The following NFIA variants were observed in gnomAD, a reference collection of about 807,000 sequenced individuals.
NFIA encodes the protein nuclear factor I A.
In NFIA, 8 loss-of-function variants were observed where a neutral mutation model predicts 62.8. The observed-to-expected ratio is 0.13, with a 90% CI of 0.07 to 0.23. The LOEUF (loss-of-function observed/expected upper bound fraction) is 0.23, where lower values mean the gene tolerates loss of function less well. Among genes scored for constraint, NFIA ranks in the 10% least tolerant of loss-of-function variants. The probability of loss-of-function intolerance (pLI) is 1.00; values close to 1 mark genes in which losing one functional copy is unlikely to be tolerated. For synonymous variants in NFIA, 235 were observed against 238.1 expected (o/e 0.99, Z 0.12); for missense variants, 410 against 642.1 (o/e 0.64, Z 3.91).
At chr1:61,286,578 A>C (rs1327442142) in intron 3 of NFIA, among the ~76,000 whole-genome samples, 2 of 152,192 alleles carry the variant, frequency 1.3e-5, no homozygotes, top group African/African-American at 4.8e-5. Context: ...TCATTCATTC[A>C]ACAGGTATTT....
At chr1:61,223,192 T>G (rs1654123429) in intron 2 of NFIA, among the ~76,000 whole-genome samples, 1 of 152,064 alleles carries the variant, frequency 6.6e-6, no homozygotes, top group Non-Finnish European at 1.5e-5. Flanking sequence ...ATTTCACTAT[T>G]TAAAGAACAT....
intron 2 of NFIA, among the ~76,000 whole-genome samples, chr1:61,221,562 C>T (rs924017396): frequency 3.9e-5 from 6 of 151,910 alleles, no homozygotes; most frequent in African/African-American, 1.2e-4. Flanking sequence ...AGTAGAAATC[C>T]AAATCGTTGA....
chr1:61,404,264 A>G lies in NFIA; in HGVS notation c.1236A>G (p.Gly412=), dbSNP rs1389338143. 4 of 1,612,632 alleles carry G rather than the reference A, an allele frequency of 2.5e-6. No homozygotes were observed. The highest frequency in any genetic ancestry group is 3.4e-6 in the Non-Finnish European group (4 of 1,179,558). ...GCCCTGATGCTGGTCAGCAGGCTGG[A>G]CAGGTGGGGTTCCTCAATGTAAGGA... ...LVCPDAGQQA[G]QVGFLNPNGS... The change falls in exon 8 of 11, where the codon GGA becomes GGG. Residue 412 remains glycine (G), a synonymous_variant. Transcript: ENST00000403491.
chr1:61,208,328 A>G (rs1321440319), intron 2 of NFIA, among the ~76,000 whole-genome samples: 1 of 152,198 alleles, frequency 6.6e-6, no homozygotes, highest in Non-Finnish European at 1.5e-5. Context: ...TTGGAAAAGT[A>G]TGGTCCATGC....
chr1:61,290,469 A>G (rs1339245184), intron 3 of NFIA, among the ~76,000 whole-genome samples: 1 of 152,226 alleles, frequency 6.6e-6, no homozygotes, highest in Non-Finnish European at 1.5e-5. Flanking sequence ...AAAGTTCATT[A>G]GGATATCTGA....
chr1:61,341,594 C>T (rs1001199743), intron 4 of NFIA, among the ~76,000 whole-genome samples: 10 of 152,148 alleles, frequency 6.6e-5, no homozygotes, highest in African/African-American at 2.2e-4. Context: ...CCTCCCACCT[C>T]AGCCTTCCCA....
intron 2 of NFIA, among the ~76,000 whole-genome samples, chr1:61,262,218 A>G (rs558764161): frequency 2.3e-4 from 35 of 151,874 alleles, no homozygotes; most frequent in Non-Finnish European, 4.0e-4. Flanking sequence ...TTTATGTGAA[A>G]ATTTGTATTT....
rs192889418 is a variant in NFIA, at chr1:61,397,789, A to G, written c.1076-6315A>G. 2.6e-5 allele frequency among the ~76,000 whole-genome samples: 4 copies of G among 152,312 alleles called. No homozygotes were observed. The East Asian group carries it at 7.7e-4, about 29-fold the overall frequency. On this transcript the variant is annotated intron_variant, in intron 7 of 10. Transcript: ENST00000403491. Reference sequence around the variant, plus strand: ...ACTCCAAAGCCCTGGTCCTTATATTATACTGCACTGCTTTTCTGAGTCGTA... The same window carrying G: ...ACTCCAAAGCCCTGGTCCTTATATTGTACTGCACTGCTTTTCTGAGTCGTA...
chr1:61,161,050 G>A (rs1049814216), intron 2 of NFIA, among the ~76,000 whole-genome samples: 10 of 152,078 alleles, frequency 6.6e-5, no homozygotes, highest in East Asian at 1.9e-4. Flanking sequence ...GAGTAGCAGC[G>A]ATTACAGGCA....
At chr1:61,257,428 C>T (rs528843156) in intron 2 of NFIA, among the ~76,000 whole-genome samples, 1 of 149,184 alleles carries the variant, frequency 6.7e-6, no homozygotes, top group East Asian at 2.0e-4. Flanking sequence ...ACCTCTGCCT[C>T]CCGGATTCAA....
chr1:61,194,576 A>G (rs906301355), intron 2 of NFIA, among the ~76,000 whole-genome samples: 3 of 152,128 alleles, frequency 2.0e-5, no homozygotes, highest in African/African-American at 7.2e-5. Flanking sequence ...TTTTCACAAA[A>G]CCCCTGTAAG....
chr1:61,085,380 A>G (rs1339199679), intron 1 of NFIA, among the ~76,000 whole-genome samples: 1 of 152,154 alleles, frequency 6.6e-6, no homozygotes, highest in African/African-American at 2.4e-5. Context: ...CAAACAGATC[A>G]ATGTTTAAGA....
intron 3 of NFIA, among the ~76,000 whole-genome samples, chr1:61,318,305 A>G (rs968151037): frequency 3.3e-5 from 5 of 152,212 alleles, no homozygotes; most frequent in Admixed American, 3.3e-4. Context: ...AGCAATGGTA[A>G]TAAGTCGCTG....
Position 61,114,592 on chromosome 1 carries a change from C to T in NFIA, c.559+25912C>T, listed in dbSNP as rs573667913. ...TTTAAAAGTTGGCTTTAAGGGAGCA[C>T]GTTTCTCTTTGAGGGTGGCCTGTTT... On this transcript the variant is annotated intron_variant, in intron 2 of 10. Transcript: ENST00000403491. 9.7e-4 allele frequency among the ~76,000 whole-genome samples: 148 copies of T among 152,190 alleles called. 1 individual carries two copies. Among genetic ancestry groups the T allele is most frequent in the African/African-American group, 2.0e-3 (82 of 41,534 alleles).
At chr1:61,236,742 T>A (rs1452059921) in intron 2 of NFIA, among the ~76,000 whole-genome samples, 1 of 152,160 alleles carries the variant, frequency 6.6e-6, no homozygotes, top group African/African-American at 2.4e-5. Context: ...TATTAACGTG[T>A]GAAGGACATA....
intron 2 of NFIA, among the ~76,000 whole-genome samples, chr1:61,208,278 T>C (rs896758707): frequency 6.6e-5 from 10 of 152,202 alleles, no homozygotes; most frequent in African/African-American, 1.7e-4. Flanking sequence ...TGCCCAGTTT[T>C]ATCATTTTTT....
intron 2 of NFIA, among the ~76,000 whole-genome samples, chr1:61,190,894 C>A (rs1343505843): frequency 2.0e-5 from 3 of 152,134 alleles, no homozygotes; most frequent in Non-Finnish European, 4.4e-5. Context: ...ACTCTTCTGG[C>A]AGTTTTTAAA....
intron 6 of NFIA, among the ~76,000 whole-genome samples, chr1:61,370,143 A>T (rs912357122): frequency 6.6e-6 from 1 of 152,216 alleles, no homozygotes; most frequent in African/African-American, 2.4e-5. Context: ...GCAGTTTCTC[A>T]TGAGGCTGTG....
chr1:61,172,183 G>C (rs1650009590), intron 2 of NFIA, among the ~76,000 whole-genome samples: 1 of 152,112 alleles, frequency 6.6e-6, no homozygotes, highest in Non-Finnish European at 1.5e-5. Context: ...GTGAATTTCT[G>C]CTTCCTAAAG....
Sources: allele counts gnomAD v4.1 joint callset (sites outside exome capture counted in the v4.1 genomes callset), GRCh38; gene constraint gnomAD v4.1.1; transcripts MANE v1.5; gene names NCBI Gene and HGNC (gene_info 2026-07-23, HGNC 2026-07-21).